SYNDIG1: variants seen among roughly 807,000 people sequenced by gnomAD.
SYNDIG1 encodes synapse differentiation inducing 1.
In SYNDIG1, 9 loss-of-function variants were observed where a neutral mutation model predicts 19.4. The observed-to-expected ratio is 0.46, with a 90% confidence interval of 0.28 to 0.81. The LOEUF is 0.81. Ranked by LOEUF, SYNDIG1 falls within the 30% of genes least tolerant of loss-of-function variation. The pLI, the probability that SYNDIG1 is intolerant of heterozygous loss-of-function variation, is 0.12. For synonymous variants in SYNDIG1, 141 were observed against 145.9 expected (o/e 0.97, Z 0.24); for missense variants, 311 against 343.3 (o/e 0.91, Z 0.74).
intron 3 of SYNDIG1, among the ~76,000 whole-genome samples, chr20:24,611,943 A>T (rs2058854706): frequency 6.6e-6 from 1 of 152,224 alleles, no homozygotes; most frequent in African/African-American, 2.4e-5. Flanking sequence ...TGCTTCCTGT[A>T]ATTGCATGTC....
intron 2 of SYNDIG1, among the ~76,000 whole-genome samples, chr20:24,566,292 C>T (rs574719223): frequency 6.6e-6 from 1 of 152,272 alleles, no homozygotes; most frequent in South Asian, 2.1e-4. Context: ...TAGCCCAGAG[C>T]TCGCACACAG....
chr20:24,531,424 A>G (rs1462145661), intron 1 of SYNDIG1, among the ~76,000 whole-genome samples: 3 of 152,154 alleles, frequency 2.0e-5, no homozygotes, highest in East Asian at 1.9e-4. Context: ...TAGACTTTTA[A>G]AAAAAATCTA....
At chr20:24,492,330 G>T (rs1456309950) in intron 1 of SYNDIG1, among the ~76,000 whole-genome samples, 1 of 152,218 alleles carries the variant, frequency 6.6e-6, no homozygotes, top group Non-Finnish European at 1.5e-5. Context: ...GGGTGGCTAG[G>T]AGATGAGGAG....
intron 3 of SYNDIG1, among the ~76,000 whole-genome samples, chr20:24,654,672 G>GGAAGGAAA (rs1313245014): frequency 1.3e-5 from 2 of 150,098 alleles, no homozygotes; most frequent in African/African-American, 4.9e-5. Context: ...AAGGAAGGAA[G>GGAAGGAAA]GAAGGAAGGA....
chr20:24,483,828 C>A (rs1343343653), intron 1 of SYNDIG1, among the ~76,000 whole-genome samples: 3 of 152,146 alleles, frequency 2.0e-5, no homozygotes, highest in Non-Finnish European at 2.9e-5. Context: ...GCCTAGTGTG[C>A]AGGGCCTCAC....
chr20:24,555,112 C>T (rs1411564957), intron 2 of SYNDIG1, among the ~76,000 whole-genome samples: 2 of 152,114 alleles, frequency 1.3e-5, no homozygotes, highest in African/African-American at 4.8e-5. Flanking sequence ...GTAGTATTCT[C>T]TGATGGTAGT....
At chr20:24,665,103 C>T (rs1390312733) in intron 3 of SYNDIG1, among the ~76,000 whole-genome samples, 1 of 152,096 alleles carries the variant, frequency 6.6e-6, no homozygotes. Flanking sequence ...CCCTTGGGGC[C>T]AAGTAGAAAA....
chr20:24,490,638 T>C (rs2056118959), intron 1 of SYNDIG1, among the ~76,000 whole-genome samples: 1 of 152,084 alleles, frequency 6.6e-6, no homozygotes, highest in African/African-American at 2.4e-5. Context: ...ATTACCTGGA[T>C]GAGAGATGTG....
At chr20:24,622,024 A>G (rs542978206) in intron 3 of SYNDIG1, among the ~76,000 whole-genome samples, 7 of 152,350 alleles carry the variant, frequency 4.6e-5, no homozygotes, top group African/African-American at 1.4e-4. Context: ...CCAAAAGTCA[A>G]GAGAACACTG....
chr20:24,653,059 A>G (rs1307444205), intron 3 of SYNDIG1, among the ~76,000 whole-genome samples: 1 of 152,194 alleles, frequency 6.6e-6, no homozygotes, highest in Non-Finnish European at 1.5e-5. Flanking sequence ...AAAGACATTA[A>G]GTAAAAAGGG....
intron 1 of SYNDIG1, among the ~76,000 whole-genome samples, chr20:24,523,205 G>A (rs2057044295): frequency 6.6e-6 from 1 of 152,178 alleles, no homozygotes; most frequent in South Asian, 2.1e-4. Flanking sequence ...CCTTAAACAG[G>A]TTGCTTCAGT....
At chr20:24,650,534 A>G (rs1383875303) in intron 3 of SYNDIG1, among the ~76,000 whole-genome samples, 5 of 152,148 alleles carry the variant, frequency 3.3e-5, no homozygotes, top group African/African-American at 1.2e-4. Flanking sequence ...TTTTCACTTG[A>G]ATTAAAAAAG....
At chr20:24,514,708 C>G (rs1370908429) in intron 1 of SYNDIG1, among the ~76,000 whole-genome samples, 7 of 152,172 alleles carry the variant, frequency 4.6e-5, no homozygotes, top group Admixed American at 1.3e-4. Context: ...CAACATTAGA[C>G]AGATCAGTGA....
At chr20:24,554,858 G>C (rs1287118090) in intron 2 of SYNDIG1, among the ~76,000 whole-genome samples, 1 of 151,530 alleles carries the variant, frequency 6.6e-6, no homozygotes, top group African/African-American at 2.4e-5. Flanking sequence ...TCTATTGATT[G>C]GAATAGTTTC....
At chr20:24,520,851 C>A (rs1470555972) in intron 1 of SYNDIG1, among the ~76,000 whole-genome samples, 2 of 152,112 alleles carry the variant, frequency 1.3e-5, no homozygotes, top group East Asian at 3.8e-4. Context: ...CCATTTTATT[C>A]CTTTTTAAAT....
chr20:24,629,715 A>C lies in SYNDIG1; in HGVS notation c.619-35631A>C, dbSNP rs186132150. 1.3e-3 allele frequency among the ~76,000 whole-genome samples: 193 copies of C among 152,364 alleles called. 1 individual carries two copies. The highest frequency in any genetic ancestry group is 8.5e-3 in the East Asian group (44 of 5,186). Reference sequence around the variant, plus strand: ...ATACACCACTGAAGCTTCAAAGCTGAAAGTGATTTACAAAGCTAGCCATGG... The same window carrying C: ...ATACACCACTGAAGCTTCAAAGCTGCAAGTGATTTACAAAGCTAGCCATGG... On this transcript the variant is annotated intron_variant, in intron 3 of 3. Coordinates refer to ENST00000376862, the MANE Select transcript of SYNDIG1 (RefSeq NM_024893.3).
At chr20:24,492,473 C>G (rs1337575791) in intron 1 of SYNDIG1, among the ~76,000 whole-genome samples, 12 of 152,210 alleles carry the variant, frequency 7.9e-5, no homozygotes, top group African/African-American at 2.2e-4. Context: ...AAAACAAAAC[C>G]TCACGGTGGC....
At chr20:24,507,129 G>T (rs1202134377) in intron 1 of SYNDIG1, among the ~76,000 whole-genome samples, 9 of 152,284 alleles carry the variant, frequency 5.9e-5, no homozygotes, top group African/African-American at 2.2e-4. Flanking sequence ...GCCGTTCCCA[G>T]CTGGGCAATG....
intron 1 of SYNDIG1, among the ~76,000 whole-genome samples, chr20:24,527,625 C>A (rs2057155596): frequency 6.6e-6 from 1 of 151,540 alleles, no homozygotes; most frequent in Non-Finnish European, 1.5e-5. Context: ...CATTATTTGA[C>A]CTTACTCTGT....
Sources: gnomAD v4.1 joint callset for allele counts (sites outside exome capture counted in the v4.1 genomes callset) on GRCh38, gnomAD v4.1.1 for gene constraint, MANE v1.5 for transcripts, NCBI Gene and HGNC (gene_info 2026-07-23, HGNC 2026-07-21) for gene names.